The following ADGRL2 variants were observed in gnomAD, a reference collection of about 807,000 sequenced individuals.
ADGRL2 encodes adhesion G protein-coupled receptor L2, also known as calcium-independent alpha-latrotoxin receptor 2.
In ADGRL2, 44 loss-of-function variants were observed where a neutral mutation model predicts 157.4. The ratio of observed to expected loss-of-function variants is 0.28; its 90% confidence interval spans 0.22 to 0.36. The LOEUF (loss-of-function observed/expected upper bound fraction) is 0.36, where lower values mean the gene tolerates loss of function less well. Among genes scored for constraint, ADGRL2 ranks in the 10% least tolerant of loss-of-function variants. ADGRL2 has a pLI of 1.00. For missense variants in ADGRL2, 1,510 were observed against 1,768.9 expected, an observed-to-expected ratio of 0.85 and a Z score of 2.63; for synonymous variants, 585 against 624.7, an observed-to-expected ratio of 0.94 and a Z score of 0.95.
intron 2 of ADGRL2, among the ~76,000 whole-genome samples, chr1:81,490,507 A>G (rs1006893489): frequency 9.9e-5 from 15 of 152,226 alleles, no homozygotes; most frequent in Non-Finnish European, 1.6e-4. Flanking sequence ...TAAATAGGCA[A>G]GTTATTAAAT....
intron 2 of ADGRL2, among the ~76,000 whole-genome samples, chr1:81,782,962 G>A (rs2086879042): frequency 6.6e-6 from 1 of 152,170 alleles, no homozygotes; most frequent in Admixed American, 6.5e-5. Context: ...TTATCATTTA[G>A]TGAGTTCTCT....
chr1:81,345,368 A>G (rs1662405379), intron 1 of ADGRL2, among the ~76,000 whole-genome samples: 1 of 152,198 alleles, frequency 6.6e-6, no homozygotes, highest in South Asian at 2.1e-4. Flanking sequence ...AAGAACAGCT[A>G]CCAGTATTCC....
At chr1:81,792,929 C>T (rs769394529) in intron 2 of ADGRL2, among the ~76,000 whole-genome samples, 3 of 151,802 alleles carry the variant, frequency 2.0e-5, no homozygotes, top group Non-Finnish European at 4.4e-5. Context: ...ATCATTAGTC[C>T]TGAACAATTT....
chr1:81,824,409 G>T (rs1571455032), intron 1 of ADGRL2, among the ~76,000 whole-genome samples: 2 of 152,136 alleles, frequency 1.3e-5, no homozygotes, highest in Non-Finnish European at 2.9e-5. Flanking sequence ...CAAGAAGCTG[G>T]AACTACAGGC....
At chr1:81,547,016 C>A (rs2080033897) in intron 2 of ADGRL2, among the ~76,000 whole-genome samples, 1 of 152,176 alleles carries the variant, frequency 6.6e-6, no homozygotes, top group Non-Finnish European at 1.5e-5. Flanking sequence ...GATCAAGCCC[C>A]CATCTCCACT....
chr1:81,694,372 A>C (rs905683735), intron 3 of ADGRL2, among the ~76,000 whole-genome samples: 1 of 152,072 alleles, frequency 6.6e-6, no homozygotes, highest in African/African-American at 2.4e-5. Context: ...AAAATAGATA[A>C]TGAAACTACC....
intron 2 of ADGRL2, among the ~76,000 whole-genome samples, chr1:81,780,604 G>A (rs1498210): frequency 0.15 from 23,039 of 152,060 alleles, 1,976 homozygotes; most frequent in African/African-American, 0.21. Flanking sequence ...GTTATCTTCC[G>A]TTAATAGCGC....
Position 81,950,439 on chromosome 1 carries a change from A to G in ADGRL2, c.1461A>G (p.Gln487=). The part of the protein sequence containing the change: ...DSKGIKWPQT[Q]RGMMVERPCP... The stretch of plus-strand genomic sequence containing the variant: ...AGGGGATAAAGTGGCCTCAGACACA[A>G]AGGGGAATGATGGTTGAACGACCAT... The change falls in exon 7 of 24, where the codon CAA becomes CAG. Residue 487 remains glutamine, a synonymous_variant. Coordinates refer to ENST00000686636, the MANE Select transcript of ADGRL2 (RefSeq NM_001366006.2). The G allele has an allele frequency of 6.2e-7, 1 of 1,614,018 alleles. No individual in the cohort carries two copies. The highest frequency in any genetic ancestry group is 1.3e-5 in the African/African-American group (1 of 75,050).
chr1:81,592,781 GA>G (rs759683992), intron 3 of ADGRL2, among the ~76,000 whole-genome samples: 12 of 152,032 alleles, frequency 7.9e-5, no homozygotes, highest in Non-Finnish European at 1.3e-4. Context: ...TAGGTGTGGG[GA>G]AGGAGGTGTA....
At position 81,343,087 on chromosome 1, in the gene ADGRL2, C is replaced by T. The variant is rs28624303; in HGVS notation, c.-302+36578C>T. On this transcript the variant is annotated intron_variant, in intron 1 of 24. Transcript: ENST00000370721. ...TTTTTCTTTTCTTTTTTTCTTTTTT[C>T]TTTTCTTTTTTTTTTTTTTGAGACA... Among the ~76,000 whole-genome samples the T allele has an allele frequency of 6.4e-4, 81 of 127,408 alleles. 5 individuals carry two copies. Among genetic ancestry groups the T allele is most frequent in the Non-Finnish European group, 5.7e-4 (34 of 60,050 alleles). 83.6% of individuals were successfully genotyped at this position (127,408 alleles called of 152,430 possible).
chr1:81,407,247 C>T (rs1185649267), intron 1 of ADGRL2, among the ~76,000 whole-genome samples: 1 of 152,184 alleles, frequency 6.6e-6, no homozygotes, highest in Admixed American at 6.5e-5. Context: ...GTTTGACTTT[C>T]AAACCCCCAT....
In ADGRL2 at chr1:81,950,495, A is replaced by G; in HGVS notation, c.1504+13A>G. The G allele has an allele frequency of 6.2e-7, 1 of 1,606,160 alleles. No individual in the cohort carries two copies. The highest frequency in any genetic ancestry group is 8.5e-7 in the Non-Finnish European group (1 of 1,175,784). ...AAGGGAACAAGAGGTATTTTCTATA[A>G]ACTACCATGCATACATTTTTCAATT... On this transcript the variant is annotated intron_variant, in intron 7 of 23. Coordinates refer to ENST00000686636, the MANE Select transcript of ADGRL2 (RefSeq NM_001366006.2).
At chr1:81,358,065 A>G (rs906441214) in intron 1 of ADGRL2, among the ~76,000 whole-genome samples, 12 of 150,712 alleles carry the variant, frequency 8.0e-5, no homozygotes, top group African/African-American at 2.7e-4. Flanking sequence ...AAAGACACTT[A>G]TTAATATTAG....
At chr1:81,325,382 A>G (rs1373186364) in intron 1 of ADGRL2, among the ~76,000 whole-genome samples, 1 of 152,130 alleles carries the variant, frequency 6.6e-6, no homozygotes, top group Non-Finnish European at 1.5e-5. Flanking sequence ...CTTTTTCAAC[A>G]CTATTGTGTT....
intron 1 of ADGRL2, among the ~76,000 whole-genome samples, chr1:81,421,219 C>G (rs1006246836): frequency 6.6e-6 from 1 of 152,128 alleles, no homozygotes; most frequent in African/African-American, 2.4e-5. Context: ...TAAATTATGT[C>G]CACCTAATAC....
At chr1:81,646,929 A>C (rs2082325858) in intron 3 of ADGRL2, among the ~76,000 whole-genome samples, 1 of 152,232 alleles carries the variant, frequency 6.6e-6, no homozygotes, top group Non-Finnish European at 1.5e-5. Context: ...TACTTTTATC[A>C]ACTCTTAAGT....
At chr1:81,769,928 A>C (rs960849454) in intron 2 of ADGRL2, among the ~76,000 whole-genome samples, 1 of 151,732 alleles carries the variant, frequency 6.6e-6, no homozygotes, top group Admixed American at 6.6e-5. Context: ...CAATGGCACG[A>C]TCTTAGCTCA....
intron 3 of ADGRL2, among the ~76,000 whole-genome samples, chr1:81,670,085 T>G (rs2082843068): frequency 6.6e-6 from 1 of 152,140 alleles, no homozygotes; most frequent in Non-Finnish European, 1.5e-5. Flanking sequence ...TCAGAGACTT[T>G]TTGTTTATTT....
At chr1:81,921,888 G>T (rs1191143086) in intron 3 of ADGRL2, among the ~76,000 whole-genome samples, 3 of 130,462 alleles carry the variant, frequency 2.3e-5, no homozygotes, top group Non-Finnish European at 5.2e-5. Context: ...TGGGTTCTGA[G>T]ATATAGAAGC....
Sources: gnomAD v4.1 joint callset for allele counts (sites outside exome capture counted in the v4.1 genomes callset) on GRCh38, gnomAD v4.1.1 for gene constraint, MANE v1.5 for transcripts, NCBI Gene and HGNC (gene_info 2026-07-23, HGNC 2026-07-21) for gene names.